SPATS2: variants seen among roughly 807,000 people sequenced by gnomAD.
SPATS2 encodes the protein spermatogenesis associated serine rich 2, also known as spermatogenesis-associated serine-rich protein 2.
A neutral mutation model predicts 63.7 loss-of-function variants in SPATS2; 38 were observed. The ratio of observed to expected loss-of-function variants is 0.60; its 90% confidence interval spans 0.46 to 0.78. The LOEUF is 0.78. Ranked by LOEUF, SPATS2 falls within the 30% of genes least tolerant of loss-of-function variation. The pLI is 0.00. For missense variants in SPATS2, 588 were observed against 666.2 expected (o/e 0.88, Z 1.29); for synonymous variants, 207 against 232.9 (o/e 0.89, Z 1.01).
At chr12:49,437,336 C>T (rs1945329939) in intron 2 of SPATS2, among the ~76,000 whole-genome samples, 1 of 151,602 alleles carries the variant, frequency 6.6e-6, no homozygotes, top group Admixed American at 6.6e-5. Flanking sequence ...ACGCTCCTCA[C>T]TTTCCAGACT....
chr12:49,386,490 G>C (rs1944321267), intron 2 of SPATS2, among the ~76,000 whole-genome samples: 1 of 152,194 alleles, frequency 6.6e-6, no homozygotes, highest in Non-Finnish European at 1.5e-5. Context: ...TTTAAAGTGA[G>C]ATTGGTCAGT....
chr12:49,454,624 T>G (rs1455236279), intron 2 of SPATS2, among the ~76,000 whole-genome samples: 1 of 152,224 alleles, frequency 6.6e-6, no homozygotes, highest in African/African-American at 2.4e-5. Context: ...GGCTCATGCC[T>G]GTCATCCCAG....
intron 2 of SPATS2, among the ~76,000 whole-genome samples, chr12:49,424,040 T>C (rs1345536276): frequency 6.6e-6 from 1 of 152,042 alleles, no homozygotes; most frequent in Non-Finnish European, 1.5e-5. Context: ...CCATTTCTAC[T>C]AAAAATACAA....
chr12:49,468,138 CTTT>C (rs1565737212), intron 3 of SPATS2, among the ~76,000 whole-genome samples: 75 of 130,046 alleles, frequency 5.8e-4, no homozygotes, highest in Middle Eastern at 3.8e-3. Flanking sequence ...TTCTTTCACT[CTTT>C]TCTTTTCTTT....
chr12:49,372,513 C>G (rs1042043363), intron 2 of SPATS2, among the ~76,000 whole-genome samples: 6 of 152,266 alleles, frequency 3.9e-5, no homozygotes, highest in Admixed American at 1.3e-4. Flanking sequence ...GTGGAAGGAA[C>G]CATTTGTTAT....
intron 2 of SPATS2, among the ~76,000 whole-genome samples, chr12:49,375,918 TC>T (rs1944092697): frequency 6.6e-6 from 1 of 151,372 alleles, no homozygotes; most frequent in Admixed American, 6.6e-5. Flanking sequence ...TAAGTGATCC[TC>T]CTGCCTCAGC....
At chr12:49,455,626 ATGTT>A (rs781457621) in intron 2 of SPATS2, among the ~76,000 whole-genome samples, 1 of 151,740 alleles carries the variant, frequency 6.6e-6, no homozygotes, top group Non-Finnish European at 1.5e-5. Context: ...TTGCCAGGTT[ATGTT>A]TGTTTGTTTG....
intron 2 of SPATS2, among the ~76,000 whole-genome samples, chr12:49,411,031 G>A (rs1020640069): frequency 9.2e-5 from 14 of 152,048 alleles, no homozygotes; most frequent in Middle Eastern, 6.8e-3. Flanking sequence ...TTTGTATAGG[G>A]CCTAAACTTT....
chr12:49,478,678 C>T (rs1946157822), intron 3 of SPATS2, among the ~76,000 whole-genome samples: 1 of 152,152 alleles, frequency 6.6e-6, no homozygotes, highest in Admixed American at 6.5e-5. Flanking sequence ...AATAATCATA[C>T]TTGTCAGGTT....
intron 2 of SPATS2, chr12:49,389,654 C>T: frequency 7.5e-7 from 1 of 1,326,320 alleles, no homozygotes; most frequent in Non-Finnish European, 1.1e-6. Context: ...GAAGCAGTAT[C>T]AGAAAGAAAT....
intron 2 of SPATS2, among the ~76,000 whole-genome samples, chr12:49,444,106 CTATT>C (rs1440236206): frequency 2.6e-5 from 4 of 151,964 alleles, no homozygotes; most frequent in African/African-American, 9.7e-5. Context: ...GAATGTGTCT[CTATT>C]CATTTAGATC....
rs374975840 is a variant in SPATS2, at chr12:49,437,956, AAATT to A, written c.-243-22811_-243-22808del. Among the ~76,000 whole-genome samples the A allele has an allele frequency of 9.3e-4, 141 of 152,308 alleles. No individual in the cohort carries two copies. In the Middle Eastern group the frequency reaches 0.027, roughly 29 times the overall value. The stretch of plus-strand genomic sequence containing the variant: ...TTTTTTCCCTAGATTTTACATAAAA[AAATT>A]AAAAAGCTTTCAAGTTGTTTTTTAT... On this transcript the variant is annotated intron_variant, in intron 2 of 13. Transcript: ENST00000552918.
In SPATS2 at chr12:49,522,757, G is replaced by T; in HGVS notation, c.1015G>T (p.Val339Phe). ...VELRADIKHF[V>F]SERKYDEDLG... Reference sequence around the variant, plus strand: ...TTCTTTGTCCTTTCTCCAGCACTTTGTTAGTGAACGTAAATATGATGAGGA... The same window carrying T: ...TTCTTTGTCCTTTCTCCAGCACTTTTTTAGTGAACGTAAATATGATGAGGA... The change falls in exon 12 of 14, where the codon GTT (valine) becomes TTT (phenylalanine). Residue 339 changes from valine (V) to phenylalanine (F), a missense_variant. By Grantham distance (50) the Val-to-Phe change is conservative. Coordinates refer to ENST00000552918, the MANE Select transcript of SPATS2 (RefSeq NM_023071.4). 6.2e-7 allele frequency: 1 copy of T among 1,613,410 alleles called. No individual in the cohort carries two copies. The highest frequency in any genetic ancestry group is 8.5e-7 in the Non-Finnish European group (1 of 1,179,480).
chr12:49,415,844 C>T (rs1032418045), intron 2 of SPATS2, among the ~76,000 whole-genome samples: 6 of 152,086 alleles, frequency 3.9e-5, no homozygotes, highest in Admixed American at 2.6e-4. Context: ...CAAAAACAGG[C>T]AGCAGGTTGA....
At chr12:49,449,207 T>G (rs770261999) in intron 2 of SPATS2, among the ~76,000 whole-genome samples, 45 of 152,134 alleles carry the variant, frequency 3.0e-4, no homozygotes, top group Non-Finnish European at 4.9e-4. Context: ...TGTCTGTTTT[T>G]TTTGTTTGTT....
Position 49,382,186 on chromosome 12 carries a change from T to C in SPATS2, c.-244+10896T>C, listed in dbSNP as rs950591361. On this transcript the variant is annotated intron_variant, in intron 2 of 13. Coordinates refer to ENST00000552918, the MANE Select transcript of SPATS2 (RefSeq NM_023071.4). ...ACTCCTCAAACCTCACTGAAGTCTT[T>C]CGGGTGGATTCAAATGCTGCTTTTA... 2.6e-5 allele frequency among the ~76,000 whole-genome samples: 4 copies of C among 152,242 alleles called. No individual in the cohort carries two copies. In the East Asian group the frequency reaches 5.8e-4, roughly 22 times the overall value.
intron 2 of SPATS2, among the ~76,000 whole-genome samples, chr12:49,427,901 C>G (rs1945109001): frequency 6.6e-6 from 1 of 151,938 alleles, no homozygotes; most frequent in South Asian, 2.1e-4. Context: ...TTTCTAGAGT[C>G]TTCTTGCTGG....
At chr12:49,449,867 C>A (rs190061600) in intron 2 of SPATS2, among the ~76,000 whole-genome samples, 110 of 152,294 alleles carry the variant, frequency 7.2e-4, no homozygotes, top group African/African-American at 2.6e-3. Flanking sequence ...TGGGTGGGGA[C>A]ACAGCCAAAC....
intron 4 of SPATS2, among the ~76,000 whole-genome samples, chr12:49,489,049 T>C (rs1946342151): frequency 6.6e-6 from 1 of 152,236 alleles, no homozygotes; most frequent in Non-Finnish European, 1.5e-5. Flanking sequence ...AGTTAAATGA[T>C]ACAAGGTAAA....
Sources: gnomAD v4.1 joint callset for allele counts (sites outside exome capture counted in the v4.1 genomes callset) on GRCh38, gnomAD v4.1.1 for gene constraint, MANE v1.5 for transcripts, NCBI Gene and HGNC (gene_info 2026-07-23, HGNC 2026-07-21) for gene names.